Variants in ST6GALNAC5 observed in about 807,000 individuals in gnomAD.
The protein encoded by ST6GALNAC5 is alpha-N-acetylgalactosaminide alpha-2,6-sialyltransferase 5.
ST6GALNAC5 carries 27 observed loss-of-function variants against 33.6 expected under a neutral mutation model. The observed-to-expected ratio is 0.80, with a 90% CI of 0.59 to 1.11. The LOEUF (loss-of-function observed/expected upper bound fraction) is 1.11, where lower values mean the gene tolerates loss of function less well. ST6GALNAC5 is among the 50% of genes least tolerant of loss of function. The pLI is 0.00. For missense variants in ST6GALNAC5, 428 were observed against 454.0 expected, an observed-to-expected ratio of 0.94 and a Z score of 0.52; for synonymous variants, 194 against 171.2, an observed-to-expected ratio of 1.13 and a Z score of -1.04.
intron 2 of ST6GALNAC5, among the ~76,000 whole-genome samples, chr1:77,037,425 G>A (rs2100454881): frequency 6.6e-6 from 1 of 152,214 alleles, no homozygotes; most frequent in South Asian, 2.1e-4. Flanking sequence ...TGGGGCAAGA[G>A]TTGAAAAAAC....
chr1:77,025,211 A>G (rs1651187952), intron 2 of ST6GALNAC5, among the ~76,000 whole-genome samples: 1 of 152,210 alleles, frequency 6.6e-6, no homozygotes, highest in South Asian at 2.1e-4. Flanking sequence ...GTGAGAATCA[A>G]CTGTGTCTAT....
chr1:76,957,291 T>TGGCTTGTAGAGGCATTCCTC (rs1648040914), intron 2 of ST6GALNAC5, among the ~76,000 whole-genome samples: 1 of 152,150 alleles, frequency 6.6e-6, no homozygotes, highest in African/African-American at 2.4e-5. Flanking sequence ...TTGGGTTCCT[T>TGGCTTGTAGAGGCATTCCTC]GGCTTGTAGA....
intron 2 of ST6GALNAC5, among the ~76,000 whole-genome samples, chr1:76,985,561 A>G (rs1160776044): frequency 1.3e-5 from 2 of 152,212 alleles, no homozygotes; most frequent in Admixed American, 1.3e-4. Context: ...GGAAGAATCA[A>G]TATCATGAAA....
intron 2 of ST6GALNAC5, among the ~76,000 whole-genome samples, chr1:76,980,754 G>A (rs1289800608): frequency 2.6e-5 from 4 of 152,094 alleles, no homozygotes; most frequent in African/African-American, 9.7e-5. Flanking sequence ...GTAAGAAATA[G>A]CACTATGAAA....
intron 4 of ST6GALNAC5, among the ~76,000 whole-genome samples, chr1:77,057,347 A>G (rs1652435288): frequency 6.6e-6 from 1 of 152,238 alleles, no homozygotes; most frequent in Non-Finnish European, 1.5e-5. Context: ...TAGGAAAAAA[A>G]GACAGATTAA....
chr1:77,024,415 C>A (rs1054424114), intron 2 of ST6GALNAC5, among the ~76,000 whole-genome samples: 3 of 152,184 alleles, frequency 2.0e-5, no homozygotes, highest in Non-Finnish European at 4.4e-5. Flanking sequence ...ATCACCTCCC[C>A]TTCTCCAAGT....
intron 2 of ST6GALNAC5, among the ~76,000 whole-genome samples, chr1:76,884,062 G>T (rs547646503): frequency 3.3e-5 from 5 of 152,350 alleles, no homozygotes; most frequent in Non-Finnish European, 7.3e-5. Context: ...ATGGGTTAAA[G>T]TAGCCATAGG....
chr1:76,965,416 G>A (rs920430712), intron 2 of ST6GALNAC5, among the ~76,000 whole-genome samples: 3 of 152,254 alleles, frequency 2.0e-5, no homozygotes, highest in South Asian at 4.1e-4. Flanking sequence ...CTTCTTTTGA[G>A]AAGTGTCTGT....
chr1:77,052,900 A>C (rs1348560324), intron 4 of ST6GALNAC5, among the ~76,000 whole-genome samples: 1 of 146,838 alleles, frequency 6.8e-6, no homozygotes, highest in Admixed American at 6.9e-5. Flanking sequence ...CCGGGGCGAC[A>C]AAGTGAGGCT....
At chr1:76,937,319 G>C (rs942319643) in intron 2 of ST6GALNAC5, among the ~76,000 whole-genome samples, 1 of 151,836 alleles carries the variant, frequency 6.6e-6, no homozygotes, top group Admixed American at 6.6e-5. Flanking sequence ...AAAAATAATA[G>C]GACTTATGGG....
chr1:76,891,234 G>A (rs749460436), intron 2 of ST6GALNAC5, among the ~76,000 whole-genome samples: 2 of 152,126 alleles, frequency 1.3e-5, no homozygotes, highest in African/African-American at 2.4e-5. Context: ...CAGAGACCAC[G>A]TGAAGACACT....
intron 4 of ST6GALNAC5, among the ~76,000 whole-genome samples, 173 bp from the exon 5 acceptor site, chr1:77,062,802 A>G (rs1570153177): frequency 6.6e-6 from 1 of 152,174 alleles, no homozygotes; most frequent in Non-Finnish European, 1.5e-5. Context: ...TTATTTCACA[A>G]CCTCAAAACC....
chr1:76,900,709 A>T lies in ST6GALNAC5; in HGVS notation c.261+31967A>T, dbSNP rs188505137. Among the ~76,000 whole-genome samples, 431 of 152,170 alleles carry T rather than the reference A, an allele frequency of 2.8e-3. 4 individuals carry two copies. Among genetic ancestry groups the T allele is most frequent in the Non-Finnish European group, 3.4e-3 (233 of 67,980 alleles). Reference sequence around the variant, plus strand: ...AACATAAAAATCATTATCTTTTAAAATTTTTCATTTTTACATGTTGCAAAG... The same window carrying T: ...AACATAAAAATCATTATCTTTTAAATTTTTTCATTTTTACATGTTGCAAAG... On this transcript the variant is annotated intron_variant, in intron 2 of 4. Coordinates refer to ENST00000477717, the MANE Select transcript of ST6GALNAC5 (RefSeq NM_030965.3).
chr1:77,026,729 C>G (rs1651251585), intron 2 of ST6GALNAC5, among the ~76,000 whole-genome samples: 1 of 152,204 alleles, frequency 6.6e-6, no homozygotes, highest in Non-Finnish European at 1.5e-5. Flanking sequence ...CATTAGCTGT[C>G]TCTGGCATCC....
rs184885620 is a variant in ST6GALNAC5, at chr1:76,982,661, A to G, written c.262-61543A>G. Reference sequence around the variant, plus strand: ...ACATTCAAATTCGGGAAATACAGAGAACACCACAAAGATATTCCTTAAGAA... The same window carrying G: ...ACATTCAAATTCGGGAAATACAGAGGACACCACAAAGATATTCCTTAAGAA... On this transcript the variant is annotated intron_variant, in intron 2 of 4. Transcript: ENST00000477717. 8.5e-5 allele frequency among the ~76,000 whole-genome samples: 13 copies of G among 152,300 alleles called. 1 individual carries two copies. The highest frequency in any genetic ancestry group is 8.5e-4 in the Admixed American group (13 of 15,298).
At position 76,885,522 on chromosome 1, in the gene ST6GALNAC5, T is replaced by C. The variant is rs1199546882; in HGVS notation, c.261+16780T>C. ...GGATATGTGGGGTTTATGTGTACATTGATTTAGCAGTGCACGTGATCAGTG... is the reference window on the plus strand; with the variant it reads ...GGATATGTGGGGTTTATGTGTACATCGATTTAGCAGTGCACGTGATCAGTG... On this transcript the variant is annotated intron_variant, in intron 2 of 4. Transcript: ENST00000477717. Among the ~76,000 whole-genome samples, 3 of 152,208 alleles carry C rather than the reference T, an allele frequency of 2.0e-5. No individual in the cohort carries two copies. The East Asian group carries it at 5.8e-4, about 29-fold the overall frequency.
At chr1:76,892,191 C>A (rs1324719238) in intron 2 of ST6GALNAC5, among the ~76,000 whole-genome samples, 6 of 152,174 alleles carry the variant, frequency 3.9e-5, no homozygotes, top group Non-Finnish European at 8.8e-5. Flanking sequence ...ACATGACAGT[C>A]TCACATAAAA....
intron 2 of ST6GALNAC5, among the ~76,000 whole-genome samples, chr1:77,006,102 T>A (rs1258976548): frequency 6.6e-6 from 1 of 152,024 alleles, no homozygotes; most frequent in African/African-American, 2.4e-5. Flanking sequence ...TATGTTTAAT[T>A]TATTGAGGAA....
intron 2 of ST6GALNAC5, among the ~76,000 whole-genome samples, chr1:76,889,820 A>T (rs1050285051): frequency 6.6e-6 from 1 of 151,992 alleles, no homozygotes; most frequent in Non-Finnish European, 1.5e-5. Flanking sequence ...ATTTTGTTTT[A>T]ATAATTTTAT....
Sources: allele counts gnomAD v4.1 joint callset (sites outside exome capture counted in the v4.1 genomes callset), GRCh38; gene constraint gnomAD v4.1.1; transcripts MANE v1.5; gene names NCBI Gene and HGNC (gene_info 2026-07-23, HGNC 2026-07-21).